Variants in KRT1 observed in about 807,000 individuals in gnomAD.
The protein encoded by KRT1 is keratin 1.
Under a neutral mutation model 51.6 loss-of-function variants are expected in KRT1, and 28 were observed. That is an observed-to-expected ratio of 0.54 (90% CI 0.40 to 0.74). The LOEUF is 0.74. Among genes scored for constraint, KRT1 ranks in the 30% least tolerant of loss-of-function variants. KRT1 has a pLI of 0.00. For synonymous variants in KRT1, 301 were observed against 307.7 expected, an observed-to-expected ratio of 0.98 and a Z score of 0.23; for missense variants, 783 against 815.5, an observed-to-expected ratio of 0.96 and a Z score of 0.49.
At chr12:52,678,300 A>T in intron 2 of KRT1, 77 bp from the exon 3 acceptor site, 4 of 1,441,076 alleles carry the variant, frequency 2.8e-6, no homozygotes, top group Non-Finnish European at 3.9e-6. Context: ...TAAAGGTGGC[A>T]TTGCCTATCA....
intron 6 of KRT1, 44 bp downstream of exon 6, chr12:52,677,014 AC>A: frequency 6.2e-7 from 1 of 1,607,722 alleles, no homozygotes; most frequent in South Asian, 1.1e-5. Context: ...CCTGAGGGTT[AC>A]CCCCATTCCA....
rs573283510 is a variant in KRT1 at position 52,674,986 on chromosome 12, T to C, written c.*207A>G. The C allele has an allele frequency of 6.0e-5, 44 of 738,728 alleles. 1 individual carries two copies. In the Admixed American group the frequency reaches 7.1e-4, roughly 12 times the overall value. 45.8% of individuals were successfully genotyped at this position (738,728 alleles called of 1,614,324 possible). On this transcript the variant is annotated 3_prime_UTR_variant, in exon 9 of 9. Transcript: ENST00000252244. ...TCAGGGAAAGAACAAAGCAGGGTCA[T>C]AGCCAGGGGACTGAGATTGCCACTG...
intron 6 of KRT1, 94 bp from the exon 7 acceptor site, chr12:52,676,589 A>T: frequency 8.0e-7 from 1 of 1,245,670 alleles, no homozygotes; most frequent in Non-Finnish European, 1.2e-6. Flanking sequence ...GCCAATAATG[A>T]GTCCAACAGA....
chr12:52,678,391 C>T, intron 2 of KRT1, 151 bp downstream of exon 2: 6 of 1,038,742 alleles, frequency 5.8e-6, no homozygotes, highest in Non-Finnish European at 8.9e-6. Context: ...TTTCCATCTC[C>T]TGAGAAAATG....
intron 1 of KRT1, among the ~76,000 whole-genome samples, chr12:52,679,528 A>G (rs983795198): frequency 6.6e-6 from 1 of 152,236 alleles, no homozygotes; most frequent in Non-Finnish European, 1.5e-5. Context: ...TTAAATGTTA[A>G]TGTCACACTG....
rs2121012957 is a variant in KRT1 at position 52,680,301 on chromosome 12, GC to G, written c.47del (p.Gly16AlafsTer63). On this transcript the variant is annotated frameshift_variant, in exon 1 of 9. Transcript: ENST00000252244. LOFTEE classifies it high-confidence loss of function. ...TGATCCCAGCAGAGCCAGAGCTGAA[GC>G]CCCCTCCACTTCGGTACCCAGACCT... ...SSRSGYRSGG[G>X]FSSGSAGIIN... 1 of 1,614,162 alleles carries G rather than the reference GC, an allele frequency of 6.2e-7. No individual in the cohort carries two copies. Among genetic ancestry groups the G allele is most frequent in the Non-Finnish European group, 8.5e-7 (1 of 1,180,018 alleles).
Position 52,678,243 on chromosome 12 carries a change from A to T in KRT1, c.807-20T>A. On this transcript the variant is annotated intron_variant, in intron 2 of 8. Coordinates refer to ENST00000252244, the MANE Select transcript of KRT1 (RefSeq NM_006121.4). ...TCATACCTGCAGGAAAGCAGAAACA[A>T]TTAGGAGATTCAGAGGTGGTAAGAC... 1 of 1,613,368 alleles carries T rather than the reference A, an allele frequency of 6.2e-7. No individual in the cohort carries two copies.
intron 1 of KRT1, among the ~76,000 whole-genome samples, chr12:52,678,978 G>A (rs7961891): frequency 0.019 from 2,906 of 152,228 alleles, 86 homozygotes; most frequent in African/African-American, 0.066. Context: ...ATAGCAAAGC[G>A]CATACAGAAT....
intron 5 of KRT1, 43 bp from the exon 6 acceptor site, chr12:52,677,227 A>G: frequency 1.2e-6 from 2 of 1,614,206 alleles, no homozygotes; most frequent in Non-Finnish European, 1.7e-6. Flanking sequence ...GGCAGAACTC[A>G]GCATGGCACA....
rs747087178 is a variant in KRT1 at position 52,675,750 on chromosome 12, G to A, written c.1476-6C>T. 6.2e-7 allele frequency: 1 copy of A among 1,614,090 alleles called. No individual in the cohort carries two copies. Among genetic ancestry groups the A allele is most frequent in the Non-Finnish European group, 8.5e-7 (1 of 1,180,036 alleles). On this transcript the variant is annotated splice_polypyrimidine_tract_variant and splice_region_variant and intron_variant, in intron 7 of 8. Transcript: ENST00000252244. ...GGGCACATTCTCCAGACATCCTGTA[G>A]GAGAAAATAAGAAAATTCCTCAGGA...
At chr12:52,677,036 T>G (rs1941516567) in intron 6 of KRT1, 23 bp downstream of exon 6, 1 of 1,610,782 alleles carries the variant, frequency 6.2e-7, no homozygotes, top group Admixed American at 1.7e-5. Context: ...TACAGCTGAG[T>G]GGTAGAAGGA....
chr12:52,676,661 C>G (rs1941508485), intron 6 of KRT1, among the ~76,000 whole-genome samples, 166 bp from the exon 7 acceptor site: 1 of 152,130 alleles, frequency 6.6e-6, no homozygotes, highest in Non-Finnish European at 1.5e-5. Context: ...TGTTGACTTC[C>G]TTAAAAGACC....
At chr12:52,678,413 A>G in intron 2 of KRT1, 129 bp downstream of exon 2, 1 of 1,114,958 alleles carries the variant, frequency 9.0e-7, no homozygotes. Flanking sequence ...AGATTTCTGA[A>G]AATGTCAAAC....
chr12:52,675,324 G>A lies in KRT1; in HGVS notation c.1804C>T (p.Arg602Trp), dbSNP rs1555171169. The stretch of plus-strand genomic sequence containing the variant: ...CCAGAGCTCCCGCCGCCAGAGCCCC[G>A]GCCGCCAGAGCTGCCGCCGCCGCCG... Reference protein sequence around the residue: ...GGGGGGSSGGRGSGGGSSGGS... With the variant: ...GGGGGGSSGGWGSGGGSSGGS... Residue 602 changes from arginine to tryptophan, a missense_variant, in exon 9 of 9, where the codon CGG becomes TGG. Physicochemically the swap from Arg to Trp is moderately radical, Grantham distance 101. Coordinates refer to ENST00000252244, the MANE Select transcript of KRT1 (RefSeq NM_006121.4). 7 of 1,611,548 alleles carry A rather than the reference G, an allele frequency of 4.3e-6. No homozygotes were observed. In the South Asian group the frequency reaches 5.5e-5, roughly 13 times the overall value.
rs1358206182 is a variant in KRT1 at position 52,678,624 on chromosome 12, C to T, written c.724G>A (p.Val242Met). 2 of 1,614,108 alleles carry T rather than the reference C, an allele frequency of 1.2e-6. No individual in the cohort carries two copies. Among genetic ancestry groups the T allele is most frequent in the Admixed American group, 1.7e-5 (1 of 60,014 alleles). ...GATTGATCACTCTTCAGTTGGTCCA[C>T]TCTCCTTCGGAGATTGTTGATGAAT... ...ESFINNLRRRVDQLKSDQSRL... is the reference protein window; with the variant it reads ...ESFINNLRRRMDQLKSDQSRL... The change falls in exon 2 of 9, where the codon GTG becomes ATG. Residue 242 changes from valine (V) to methionine (M), a missense_variant. By Grantham distance (21) the Val-to-Met change is conservative. Transcript: ENST00000252244.
chr12:52,679,949 A>T lies in KRT1; in HGVS notation c.400T>A (p.Phe134Ile), dbSNP rs952892652. ...SGGGGFGGGG[F>I]GGGGYGGGYG... Reference sequence around the variant, plus strand: ...CCACCCCCATATCCACCACCCCCAAAGCCACCTCCACCAAAACCACCACCA... The same window carrying T: ...CCACCCCCATATCCACCACCCCCAATGCCACCTCCACCAAAACCACCACCA... Residue 134 changes from phenylalanine (F) to isoleucine (I), a missense_variant, in exon 1 of 9, where the codon TTT (phenylalanine) becomes ATT (isoleucine). Transcript: ENST00000252244. 6.2e-7 allele frequency: 1 copy of T among 1,612,896 alleles called. No homozygotes were observed. The highest frequency in any genetic ancestry group is 8.5e-7 in the Non-Finnish European group (1 of 1,179,524).
Position 52,675,633 on chromosome 12 carries a change from CA to C in KRT1, c.1511-17del, listed in dbSNP as rs767414946. 4 of 1,614,242 alleles carry C rather than the reference CA, an allele frequency of 2.5e-6. No individual in the cohort carries two copies. Among genetic ancestry groups the C allele is most frequent in the Non-Finnish European group, 3.4e-6 (4 of 1,180,048 alleles). On this transcript the variant is annotated splice_polypyrimidine_tract_variant and intron_variant, in intron 8 of 8. Coordinates refer to ENST00000252244, the MANE Select transcript of KRT1 (RefSeq NM_006121.4). ...GTGCTCACAGCTGCAAGAGGAAGCT[CA>C]GTTATTTTCAACCTCAACTCCGTTT...
chr12:52,675,831 T>A, intron 7 of KRT1, 87 bp from the exon 8 acceptor site: 1 of 1,477,578 alleles, frequency 6.8e-7, no homozygotes. Flanking sequence ...TTGAAGACTT[T>A]CCCCATCTGG....
chr12:52,678,560 A>G lies in KRT1; in HGVS notation c.788T>C (p.Val263Ala). 10 of 1,614,198 alleles carry G rather than the reference A, an allele frequency of 6.2e-6. No individual in the cohort carries two copies. The highest frequency in any genetic ancestry group is 7.6e-6 in the Non-Finnish European group (9 of 1,180,014). ...DSELKNMQDM[V>A]EDYRNKYEDE... The stretch of plus-strand genomic sequence containing the variant: ...CCCTTACTTGTTCCGGTAATCCTCC[A>G]CCATGTCCTGCATGTTCTTCAGTTC... The change falls in exon 2 of 9, where the codon GTG (valine) becomes GCG (alanine). Residue 263 changes from valine (V) to alanine (A), a missense_variant. Val to Ala is a moderately conservative substitution (Grantham distance 64). Transcript: ENST00000252244.
Sources: gnomAD v4.1 joint callset for allele counts (sites outside exome capture counted in the v4.1 genomes callset) on GRCh38, gnomAD v4.1.1 for gene constraint, MANE v1.5 for transcripts, NCBI Gene and HGNC (gene_info 2026-07-23, HGNC 2026-07-21) for gene names.